Variants in DNAH7 observed in about 807,000 individuals in gnomAD.
DNAH7 encodes the protein dynein axonemal heavy chain 7, also known as axonemal beta dynein heavy chain 7.
A neutral mutation model predicts 444.6 loss-of-function variants in DNAH7; 397 were observed. That is an observed-to-expected ratio of 0.89 (90% CI 0.82 to 0.97). The LOEUF is 0.97. DNAH7 is among the 50% of genes least tolerant of loss of function. The pLI is 0.00. For synonymous variants in DNAH7, 1,636 were observed against 1,624.4 expected (o/e 1.01, Z -0.17); for missense variants, 4,902 against 4,800.8 (o/e 1.02, Z -0.62).
intron 21 of DNAH7, 146 bp downstream of exon 21, chr2:195,934,445 T>G: frequency 4.6e-6 from 4 of 865,148 alleles, no homozygotes; most frequent in Non-Finnish European, 7.1e-6. Context: ...GAACATCTCT[T>G]TGCCTTCAAG....
rs759407761 is a variant in DNAH7 at position 195,984,703 on chromosome 2, C to T, written c.1762G>A (p.Asp588Asn). Residue 588 changes from aspartate to asparagine, a missense_variant, in exon 15 of 65, where the codon GAT (aspartate) becomes AAT (asparagine). Asp to Asn is a conservative substitution (Grantham distance 23, BLOSUM62 1). Transcript: ENST00000312428. ...DHQEVNTRLC[D>N]EFERIAEKAL... ...TTTTCAGCTATCCTCTCAAATTCATCGCATAATCTGAAACACCAAGTAAAA... is the reference window on the plus strand; with the variant it reads ...TTTTCAGCTATCCTCTCAAATTCATTGCATAATCTGAAACACCAAGTAAAA... 21 of 1,613,586 alleles carry T rather than the reference C, an allele frequency of 1.3e-5. No homozygotes were observed. Among genetic ancestry groups the T allele is most frequent in the South Asian group, 1.1e-4 (10 of 91,062 alleles).
Position 195,873,663 on chromosome 2 carries a change from G to A in DNAH7, c.6318C>T (p.Tyr2106=), listed in dbSNP as rs201895588. Residue 2106 remains tyrosine (Y), a synonymous_variant, in exon 39 of 65, where the codon TAC becomes TAT. Coordinates refer to ENST00000312428, the MANE Select transcript of DNAH7 (RefSeq NM_018897.3). The part of the protein sequence containing the change: ...GGGRNPVTPR[Y]MRHFNIITIN... ...TTGTTATAATATTGAAATGTCGCATGTATCGAGGAGTTACTGGATTTCGAC... is the reference window on the plus strand; with the variant it reads ...TTGTTATAATATTGAAATGTCGCATATATCGAGGAGTTACTGGATTTCGAC... The A allele has an allele frequency of 7.6e-5, 116 of 1,531,792 alleles. No homozygotes were observed. Among genetic ancestry groups the A allele is most frequent in the Non-Finnish European group, 1.0e-4 (115 of 1,146,902 alleles). The allele number at this position is 1,531,792 out of a possible 1,614,324, so 94.9% of individuals were successfully genotyped here. A position where few individuals can be genotyped will look rare whatever the true frequency, so the allele number is the denominator to read the frequency against.
At chr2:195,891,874 C>A (rs965467966) in intron 30 of DNAH7, 70 bp from the exon 31 acceptor site, 99 of 1,248,874 alleles carry the variant, frequency 7.9e-5, no homozygotes, top group Non-Finnish European at 1.0e-4. Flanking sequence ...CATTATTGCA[C>A]ATACAGAAAA....
At chr2:195,876,729 A>G in intron 36 of DNAH7, 30 bp from the exon 37 acceptor site, 3 of 1,451,472 alleles carry the variant, frequency 2.1e-6, no homozygotes, top group South Asian at 1.2e-5. Context: ...AATGAGCCAT[A>G]GTTGGAATTA....
At chr2:195,802,457 G>A (rs1240752940) in intron 54 of DNAH7, among the ~76,000 whole-genome samples, 2 of 152,130 alleles carry the variant, frequency 1.3e-5, no homozygotes, top group Non-Finnish European at 2.9e-5. Context: ...TCGAGATTAT[G>A]CCACTGCACT....
intron 1 of DNAH7, chr2:196,063,684 T>C (rs1698257659): frequency 6.6e-6 from 1 of 152,366 alleles, no homozygotes; most frequent in South Asian, 2.1e-4. Flanking sequence ...TCAGCACACA[T>C]GTTGATCCCG....
intron 56 of DNAH7, 60 bp downstream of exon 56, chr2:195,796,516 T>C (rs1187652685): frequency 5.1e-6 from 8 of 1,574,094 alleles, no homozygotes; most frequent in African/African-American, 4.1e-5. Flanking sequence ...CCGAATGTTA[T>C]GTATATTACT....
At chr2:195,831,517 A>G (rs541929348) in intron 48 of DNAH7, among the ~76,000 whole-genome samples, 17 of 152,360 alleles carry the variant, frequency 1.1e-4, no homozygotes, top group Admixed American at 7.8e-4. Flanking sequence ...TCGTAAATGT[A>G]TAACAGTAAC....
chr2:195,848,744 T>G (rs1699172161), intron 46 of DNAH7, among the ~76,000 whole-genome samples: 1 of 152,142 alleles, frequency 6.6e-6, no homozygotes, highest in African/African-American at 2.4e-5. Flanking sequence ...TCCTGGGGGT[T>G]GGGTATTTTG....
At chr2:195,761,888 C>T (rs1408258814) in intron 61 of DNAH7, among the ~76,000 whole-genome samples, 1 of 152,068 alleles carries the variant, frequency 6.6e-6, no homozygotes. Flanking sequence ...AAGAAATTAT[C>T]TGAAGGTATA....
At chr2:195,944,156 A>C (rs146997600) in intron 19 of DNAH7, among the ~76,000 whole-genome samples, 1 of 148,544 alleles carries the variant, frequency 6.7e-6, no homozygotes, top group Admixed American at 6.7e-5. Context: ...AGTTATGCCC[A>C]TGAGAAGAAT....
chr2:195,905,341 G>T (rs907567344), intron 27 of DNAH7: 1 of 152,166 alleles, frequency 6.6e-6, no homozygotes, highest in Non-Finnish European at 1.5e-5. Flanking sequence ...ATGTTTCTTA[G>T]ATAGAAGAGG....
At position 195,972,276 on chromosome 2, in the gene DNAH7, T is replaced by C. The variant is rs1458944895; in HGVS notation, c.2024A>G (p.Lys675Arg). 6.2e-7 allele frequency: 1 copy of C among 1,613,922 alleles called. No homozygotes were observed. The highest frequency in any genetic ancestry group is 1.3e-5 in the African/African-American group (1 of 74,930). ...TTCTTGATATTGTTCTATTTTCTCT[T>C]TAATGATTTTCCTGTGTTCTTCAAA... is the stretch of plus-strand genomic sequence containing the variant. ...EIFEEHRKII[K>R]EKIEQYQEGL... The change falls in exon 16 of 65, where the codon AAA becomes AGA. Residue 675 changes from lysine to arginine, a missense_variant. By Grantham distance (26) the Lys-to-Arg change is conservative. Transcript: ENST00000312428.
chr2:196,017,027 G>A (rs572962064), intron 9 of DNAH7, among the ~76,000 whole-genome samples: 14 of 152,152 alleles, frequency 9.2e-5, no homozygotes, highest in Admixed American at 4.6e-4. Flanking sequence ...TTTATTTTGA[G>A]CTGGAGTCTT....
At chr2:195,915,889 T>C (rs1687644319) in intron 24 of DNAH7, among the ~76,000 whole-genome samples, 3 of 152,250 alleles carry the variant, frequency 2.0e-5, no homozygotes. Context: ...GAGCTCTGAA[T>C]TGAGGATCAG....
At chr2:195,995,562 A>C (rs1693644602) in intron 12 of DNAH7, 1 of 297,750 alleles carries the variant, frequency 3.4e-6, no homozygotes, top group African/African-American at 2.2e-5. Flanking sequence ...GCATTTCCGA[A>C]ACCAACCTGG....
At chr2:195,935,642 AGATGATAACAACTATGCAG>A (rs1246939140) in intron 20 of DNAH7, among the ~76,000 whole-genome samples, 4 of 152,346 alleles carry the variant, frequency 2.6e-5, no homozygotes, top group African/African-American at 7.2e-5. Flanking sequence ...AGAGTATGCC[AGATGATAACAACTATGCAG>A]AAGGAAAATG....
chr2:196,054,792 G>C (rs926595895), intron 2 of DNAH7, among the ~76,000 whole-genome samples: 4 of 152,104 alleles, frequency 2.6e-5, no homozygotes, highest in African/African-American at 7.2e-5. Flanking sequence ...CACAAAATCT[G>C]ATGGTTTTAT....
intron 61 of DNAH7, among the ~76,000 whole-genome samples, chr2:195,756,846 G>T (rs527790224): frequency 6.6e-6 from 1 of 152,142 alleles, no homozygotes; most frequent in South Asian, 2.1e-4. Context: ...ACAAAAATTC[G>T]CTGGGTGTGG....
Sources: allele counts gnomAD v4.1 joint callset (sites outside exome capture counted in the v4.1 genomes callset), GRCh38; gene constraint gnomAD v4.1.1; transcripts MANE v1.5; gene names NCBI Gene and HGNC (gene_info 2026-07-23, HGNC 2026-07-21).